CACNA1C: variants seen among roughly 807,000 people sequenced by gnomAD.
CACNA1C encodes voltage-dependent L-type calcium channel subunit alpha-1C.
Under a neutral mutation model 229.0 loss-of-function variants are expected in CACNA1C, and 30 were observed. The observed-to-expected ratio is 0.13, with a 90% CI of 0.10 to 0.18. The LOEUF is 0.18. Among genes scored for constraint, CACNA1C ranks in the 10% least tolerant of loss-of-function variants. The pLI, the probability that CACNA1C is intolerant of heterozygous loss-of-function variation, is 1.00. For synonymous variants in CACNA1C, 1,114 were observed against 1,132.5 expected, an observed-to-expected ratio of 0.98 and a Z score of 0.33; for missense variants, 1,658 against 2,845.0, an observed-to-expected ratio of 0.58 and a Z score of 9.49.
At chr12:1,973,354 ACCTCC>A (rs1426234756) in intron 1 of CACNA1C, among the ~76,000 whole-genome samples, 1 of 152,174 alleles carries the variant, frequency 6.6e-6, no homozygotes, top group African/African-American at 2.4e-5. Flanking sequence ...GTAGAAACAA[ACCTCC>A]CCTTTCTAAA....
chr12:2,250,498 A>G (rs2075211462), intron 3 of CACNA1C, among the ~76,000 whole-genome samples: 2 of 152,142 alleles, frequency 1.3e-5, no homozygotes, highest in Admixed American at 1.3e-4. Flanking sequence ...TACATCCATG[A>G]TCTCATTTGA....
intron 3 of CACNA1C, among the ~76,000 whole-genome samples, chr12:2,388,125 C>T (rs2098423780): frequency 1.3e-5 from 2 of 152,078 alleles, no homozygotes; most frequent in Non-Finnish European, 2.9e-5. Context: ...AGGTAGTTGC[C>T]AGGGGCTGGG....
chr12:2,005,073 A>C (rs1479997527), intron 1 of CACNA1C, among the ~76,000 whole-genome samples: 8 of 152,088 alleles, frequency 5.3e-5, no homozygotes, highest in Non-Finnish European at 4.4e-5. Context: ...GGTTTAACCC[A>C]ATCAAGGCAG....
At position 2,152,795 on chromosome 12, in the gene CACNA1C, TCTC is replaced by T. The variant is rs951984500; in HGVS notation, c.477+32375_477+32377del. On this transcript the variant is annotated intron_variant, in intron 3 of 46. Coordinates refer to ENST00000399655, the MANE Select transcript of CACNA1C (RefSeq NM_000719.7). This position sits in a 1 kb window ranked among gnomAD's most constrained non-coding sequence, Gnocchi z 4.2. ...AACCAGGAGGTGGAAGTGCCTTGTT[TCTC>T]CTCCTCCTCTTTCCGTTTCCCATGT... Among the ~76,000 whole-genome samples, 1 of 152,190 alleles carries T rather than the reference TCTC, an allele frequency of 6.6e-6. No homozygotes were observed. The highest frequency in any genetic ancestry group is 2.4e-5 in the African/African-American group (1 of 41,442).
intron 3 of CACNA1C, chr12:2,220,621 A>G (rs1370941898): frequency 6.6e-6 from 1 of 152,218 alleles, no homozygotes; most frequent in Non-Finnish European, 1.5e-5. Context: ...TTGACTCACC[A>G]TTGTTTGTGG....
chr12:2,204,765 G>A (rs1404938870), intron 3 of CACNA1C, among the ~76,000 whole-genome samples: 96 of 126,960 alleles, frequency 7.6e-4, no homozygotes, highest in African/African-American at 2.4e-3. Flanking sequence ...GACACAGGAA[G>A]GGGAATATCA....
intron 3 of CACNA1C, among the ~76,000 whole-genome samples, chr12:2,383,014 A>G (rs1236059716): frequency 2.0e-5 from 3 of 152,070 alleles, no homozygotes; most frequent in Non-Finnish European, 2.9e-5. Context: ...GTGTTCCCTA[A>G]TGCACTCTAG....
intron 9 of CACNA1C, among the ~76,000 whole-genome samples, chr12:2,549,036 T>C (rs983028965): frequency 1.3e-5 from 2 of 152,166 alleles, no homozygotes; most frequent in African/African-American, 4.8e-5. Context: ...TTCTTTGAGT[T>C]AAACTTTTAT....
chr12:2,661,943 A>G (rs1028493658), intron 34 of CACNA1C, among the ~76,000 whole-genome samples: 1 of 152,212 alleles, frequency 6.6e-6, no homozygotes, highest in Non-Finnish European at 1.5e-5. Flanking sequence ...CTCTTACCCA[A>G]TAAAATAAGA....
chr12:2,250,690 T>C, intron 3 of CACNA1C, among the ~76,000 whole-genome samples: 1 of 152,216 alleles, frequency 6.6e-6, no homozygotes, highest in Admixed American at 6.5e-5. Context: ...GACTTGATCA[T>C]TGTGGTGATG....
intron 1 of CACNA1C, among the ~76,000 whole-genome samples, chr12:2,079,449 T>C (rs1015015283): frequency 5.9e-5 from 9 of 152,142 alleles, no homozygotes; most frequent in African/African-American, 2.2e-4. Context: ...GAGGACCTGC[T>C]TCCTGGATGA....
intron 1 of CACNA1C, among the ~76,000 whole-genome samples, chr12:2,080,532 C>T (rs1283393797): frequency 1.3e-5 from 2 of 150,408 alleles, no homozygotes; most frequent in South Asian, 4.2e-4. Context: ...ACCCGGGAGG[C>T]GGAGCTTGCA....
At chr12:2,279,496 T>G (rs1440218564) in intron 3 of CACNA1C, among the ~76,000 whole-genome samples, 2 of 152,260 alleles carry the variant, frequency 1.3e-5, no homozygotes, top group African/African-American at 2.4e-5. Context: ...GAAAGCTCTG[T>G]TAATAGGTGC....
At chr12:2,594,761 A>G (rs2067245848) in intron 19 of CACNA1C, among the ~76,000 whole-genome samples, 1 of 152,144 alleles carries the variant, frequency 6.6e-6, no homozygotes, top group Non-Finnish European at 1.5e-5. Context: ...TTTGATTGTG[A>G]CCCCAACACT....
chr12:2,562,682 T>C (rs894577074), intron 11 of CACNA1C, among the ~76,000 whole-genome samples: 1 of 152,170 alleles, frequency 6.6e-6, no homozygotes, highest in Non-Finnish European at 1.5e-5. Context: ...CAGGGCAGTA[T>C]GTCTGGGGGT....
rs538822830 is a variant in CACNA1C, at chr12:2,493,675, A to C, written c.1113+289A>C. Reference sequence around the variant, plus strand: ...GTGTGCAGGCATGGATGAGCTGGCCAGGCTGGCACAAGGGTTCCGTTCAAC... The same window carrying C: ...GTGTGCAGGCATGGATGAGCTGGCCCGGCTGGCACAAGGGTTCCGTTCAAC... On this transcript the variant is annotated intron_variant, in intron 7 of 46. Transcript: ENST00000399655. This position sits in a 1 kb window ranked among gnomAD's most constrained non-coding sequence, Gnocchi z 4.6. Among the ~76,000 whole-genome samples, 5 of 152,238 alleles carry C rather than the reference A, an allele frequency of 3.3e-5. No individual in the cohort carries two copies. The South Asian group carries it at 1.0e-3, about 32-fold the overall frequency.
intron 3 of CACNA1C, among the ~76,000 whole-genome samples, chr12:2,233,659 A>T (rs936288428): frequency 3.3e-5 from 5 of 152,170 alleles, no homozygotes; most frequent in African/African-American, 1.2e-4. Flanking sequence ...CTTGTTTCTG[A>T]TACATAGATG....
At position 2,601,795 on chromosome 12, in the gene CACNA1C, G is replaced by A. The variant is rs1409276384; in HGVS notation, c.2854-59G>A. 15 of 1,050,712 alleles carry A rather than the reference G, an allele frequency of 1.4e-5. No homozygotes were observed. The highest frequency in any genetic ancestry group is 1.4e-4 in the South Asian group (11 of 79,616). The allele number at this position is 1,050,712 out of a possible 1,614,324, so 65.1% of individuals were successfully genotyped here. ...CTGTGGGAGGAAGGGGTGGTGTGAG[G>A]GGTCTCTGGGCTAGGGCTAGGGCCA... is the stretch of plus-strand genomic sequence containing the variant. On this transcript the variant is annotated intron_variant, in intron 21 of 46. Transcript: ENST00000399655. This position sits in a 1 kb window ranked among gnomAD's most constrained non-coding sequence, Gnocchi z 5.9.
chr12:1,980,532 C>T (rs2035799747), intron 1 of CACNA1C, among the ~76,000 whole-genome samples: 1 of 151,576 alleles, frequency 6.6e-6, no homozygotes, highest in Admixed American at 6.6e-5. Context: ...TGTGGTTTTT[C>T]TTTTCATTAT....
Sources: gnomAD v4.1 joint callset for allele counts (sites outside exome capture counted in the v4.1 genomes callset) on GRCh38, gnomAD v4.1.1 for gene constraint, Gnocchi (gnomAD v3.1) non-coding constraint, MANE v1.5 for transcripts, NCBI Gene and HGNC (gene_info 2026-07-23, HGNC 2026-07-21) for gene names.